Variants in NFAT5 observed in about 807,000 individuals in gnomAD.
NFAT5 encodes nuclear factor of activated T-cells 5.
A neutral mutation model predicts 166.5 loss-of-function variants in NFAT5; 31 were observed. That is an observed-to-expected ratio of 0.19 (90% CI 0.14 to 0.25). NFAT5 has a LOEUF of 0.25. Ranked by LOEUF, NFAT5 falls within the 10% of genes least tolerant of loss-of-function variation. NFAT5 has a pLI of 1.00. For synonymous variants in NFAT5, 612 were observed against 639.7 expected (o/e 0.96, Z 0.65); for missense variants, 1,449 against 1,821.8 (o/e 0.80, Z 3.72).
chr16:69,605,705 C>CT (rs2033366362), intron 2 of NFAT5, among the ~76,000 whole-genome samples: 2 of 151,416 alleles, frequency 1.3e-5, no homozygotes, highest in Non-Finnish European at 1.5e-5. Flanking sequence ...AGTCTGTTCC[C>CT]TTTTTTCTTT....
In NFAT5 at chr16:69,703,088, G is replaced by T. The variant is rs989953347; in HGVS notation, c.*6737G>T. ...CCATAAAATGGGTACATTATGGGCA[G>T]TGTAATACAAGCTTTCTTTTCATTG... On this transcript the variant is annotated 3_prime_UTR_variant, in exon 15 of 15. Transcript: ENST00000349945. The T allele has an allele frequency of 3.9e-5, 6 of 152,616 alleles. No homozygotes were observed. The highest frequency in any genetic ancestry group is 8.8e-5 in the Non-Finnish European group (6 of 68,030). 9.5% of individuals were successfully genotyped at this position (152,616 alleles called of 1,614,324 possible). A position where few individuals can be genotyped will look rare whatever the true frequency, so the allele number is the denominator to read the frequency against.
At position 69,670,261 on chromosome 16, in the gene NFAT5, T is replaced by C; in HGVS notation, c.1530T>C (p.Ala510=). ...ATGAAAACTCTTGGAAGTCAGAAGC[T>C]GAAATTGATATGGAACTATTTCATC... ...VSDENSWKSE[A]EIDMELFHQN... The change falls in exon 9 of 15, where the codon GCT becomes GCC. Residue 510 remains alanine, a synonymous_variant. Transcript: ENST00000349945. 1 of 1,589,818 alleles carries C rather than the reference T, an allele frequency of 6.3e-7. No individual in the cohort carries two copies. Among genetic ancestry groups the C allele is most frequent in the Non-Finnish European group, 8.6e-7 (1 of 1,168,564 alleles).
intron 2 of NFAT5, among the ~76,000 whole-genome samples, chr16:69,589,873 T>C (rs2032351638): frequency 6.6e-6 from 1 of 152,112 alleles, no homozygotes; most frequent in Non-Finnish European, 1.5e-5. Flanking sequence ...AAAAAGTTCT[T>C]AAGCTGGCCA....
rs1037794951 is a variant in NFAT5 at position 69,640,986 on chromosome 16, GA to G, written c.254-6031del. ...ACAGGAGCGAAACTCCATCTCAAAA[GA>G]AAAAAAAAAAGGCCGGGCACGGTGG... is the stretch of plus-strand genomic sequence containing the variant. On this transcript the variant is annotated intron_variant, in intron 3 of 14. Transcript: ENST00000349945. Among the ~76,000 whole-genome samples, 105 of 133,152 alleles carry G rather than the reference GA, an allele frequency of 7.9e-4. 1 individual carries two copies. The highest frequency in any genetic ancestry group is 3.8e-3 in the Admixed American group (50 of 13,114). The allele number at this position is 133,152 out of a possible 152,430, so 87.4% of individuals were successfully genotyped here.
At chr16:69,683,018 C>G (rs1340121185) in intron 10 of NFAT5, among the ~76,000 whole-genome samples, 2 of 152,202 alleles carry the variant, frequency 1.3e-5, no homozygotes, top group East Asian at 3.9e-4. Context: ...TAGAGACCAG[C>G]CTGACCAACA....
intron 2 of NFAT5, among the ~76,000 whole-genome samples, chr16:69,619,394 G>T (rs1194262363): frequency 6.6e-6 from 1 of 152,166 alleles, no homozygotes; most frequent in Non-Finnish European, 1.5e-5. Flanking sequence ...TGAACCCATT[G>T]TGTAGCTCAG....
At chr16:69,605,880 A>AT (rs1236828766) in intron 2 of NFAT5, among the ~76,000 whole-genome samples, 2 of 151,826 alleles carry the variant, frequency 1.3e-5, no homozygotes, top group Non-Finnish European at 2.9e-5. Context: ...CACCTGGCTA[A>AT]TTTTTTGTAT....
chr16:69,682,705 T>TAA (rs1451385715), intron 10 of NFAT5, among the ~76,000 whole-genome samples: 3 of 152,168 alleles, frequency 2.0e-5, no homozygotes, highest in Non-Finnish European at 2.9e-5. Context: ...TAGCTTATAT[T>TAA]TTTAAATCTT....
At chr16:69,579,550 A>G (rs1046426083) in intron 2 of NFAT5, among the ~76,000 whole-genome samples, 5 of 152,212 alleles carry the variant, frequency 3.3e-5, no homozygotes, top group Non-Finnish European at 4.4e-5. Context: ...TACAAACAAC[A>G]TACTTACAGT....
rs528999066 is a variant in NFAT5, at chr16:69,650,856, T to G, written c.813-2380T>G. Among the ~76,000 whole-genome samples, 3 of 152,312 alleles carry G rather than the reference T, an allele frequency of 2.0e-5. No homozygotes were observed. The South Asian group carries it at 6.2e-4, about 32-fold the overall frequency. On this transcript the variant is annotated intron_variant, in intron 4 of 14. Coordinates refer to ENST00000349945, the MANE Select transcript of NFAT5 (RefSeq NM_138713.4). The stretch of plus-strand genomic sequence containing the variant: ...TACATAGTTTCAATAAATGAATATT[T>G]TTACTTTAAGATTAGTATAAAACAG...
chr16:69,702,529 G>T lies in NFAT5; in HGVS notation c.*6178G>T, dbSNP rs1055164978. Reference sequence around the variant, plus strand: ...ACATATGTAGTATGTGCAACCAGTGGTTCTCAGAGTATGGTTCTCAGCCCA... The same window carrying T: ...ACATATGTAGTATGTGCAACCAGTGTTTCTCAGAGTATGGTTCTCAGCCCA... On this transcript the variant is annotated 3_prime_UTR_variant, in exon 15 of 15. Transcript: ENST00000349945. 2.0e-5 allele frequency: 3 copies of T among 152,114 alleles called. No individual in the cohort carries two copies. The highest frequency in any genetic ancestry group is 2.1e-4 in the South Asian group (1 of 4,834). 9.4% of individuals were successfully genotyped at this position (152,114 alleles called of 1,614,324 possible).
In NFAT5 at chr16:69,698,388, T is replaced by C. The variant is rs1261681181; in HGVS notation, c.*2037T>C. ...GTACATTGGCATAAATATAGAAATT[T>C]ATATATATACATATATATAAACTAT... On this transcript the variant is annotated 3_prime_UTR_variant, in exon 15 of 15. Coordinates refer to ENST00000349945, the MANE Select transcript of NFAT5 (RefSeq NM_138713.4). The C allele has an allele frequency of 6.6e-6, 1 of 152,332 alleles. No individual in the cohort carries two copies. The highest frequency in any genetic ancestry group is 6.6e-5 in the Admixed American group (1 of 15,248). The allele number at this position is 152,332 out of a possible 1,614,324, so 9.4% of individuals were successfully genotyped here.
chr16:69,681,375 C>T (rs939394135), intron 10 of NFAT5, among the ~76,000 whole-genome samples: 2 of 152,124 alleles, frequency 1.3e-5, no homozygotes, highest in African/African-American at 4.8e-5. Context: ...AAGTGAAATA[C>T]CTCCTATCTT....
At chr16:69,645,756 A>G (rs953560626) in intron 3 of NFAT5, among the ~76,000 whole-genome samples, 3 of 152,264 alleles carry the variant, frequency 2.0e-5, no homozygotes, top group South Asian at 4.1e-4. Flanking sequence ...CACATTACCT[A>G]TTTTTATTTT....
intron 3 of NFAT5, among the ~76,000 whole-genome samples, chr16:69,631,302 G>C (rs2034706467): frequency 6.6e-6 from 1 of 152,022 alleles, no homozygotes; most frequent in Non-Finnish European, 1.5e-5. Flanking sequence ...ATGGTGGCAG[G>C]CTTCTGTAAT....
In NFAT5 at chr16:69,661,891, A is replaced by G. The variant is rs8053652; in HGVS notation, c.1369+1992A>G. On this transcript the variant is annotated intron_variant, in intron 7 of 14. Transcript: ENST00000349945. ...AACAGGCAAGTAAATGTCTAATTTT[A>G]TAGTAAAATTATATTAACTTCCATA... is the stretch of plus-strand genomic sequence containing the variant. Among the ~76,000 whole-genome samples the G allele has an allele frequency of 7.3e-3, 1,108 of 152,296 alleles. 60 individuals are homozygous for G. Among genetic ancestry groups the G allele is most frequent in the Admixed American group, 0.069 (1,054 of 15,282 alleles).
intron 3 of NFAT5, among the ~76,000 whole-genome samples, chr16:69,643,172 C>T (rs555829270): frequency 2.3e-4 from 34 of 149,076 alleles, no homozygotes; most frequent in South Asian, 1.3e-3. Flanking sequence ...GAGCCGAGAT[C>T]GCGCCACTGC....
At chr16:69,635,566 A>G (rs987113573) in intron 3 of NFAT5, among the ~76,000 whole-genome samples, 1 of 152,110 alleles carries the variant, frequency 6.6e-6, no homozygotes. Context: ...CCGAGACTAG[A>G]AAGAAAAAAA....
intron 10 of NFAT5, among the ~76,000 whole-genome samples, chr16:69,684,484 C>G (rs1264005616): frequency 6.6e-6 from 1 of 151,162 alleles, no homozygotes; most frequent in Non-Finnish European, 1.5e-5. Flanking sequence ...TGCTTGAACC[C>G]AGGAGGTGGA....
Sources: gnomAD v4.1 joint callset for allele counts (sites outside exome capture counted in the v4.1 genomes callset) on GRCh38, gnomAD v4.1.1 for gene constraint, MANE v1.5 for transcripts, NCBI Gene and HGNC (gene_info 2026-07-23, HGNC 2026-07-21) for gene names.